Variants in AKAP6 observed in about 807,000 individuals in gnomAD.
The protein encoded by AKAP6 is A-kinase anchoring protein 6.
Under a neutral mutation model 188.5 loss-of-function variants are expected in AKAP6, and 58 were observed. The observed-to-expected ratio is 0.31, with a 90% CI of 0.25 to 0.38. The LOEUF (loss-of-function observed/expected upper bound fraction) is 0.38, where lower values mean the gene tolerates loss of function less well. AKAP6 is among the 10% of genes least tolerant of loss of function. AKAP6 has a pLI of 1.00. For synonymous variants in AKAP6, 989 were observed against 998.6 expected, an observed-to-expected ratio of 0.99 and a Z score of 0.18; for missense variants, 2,710 against 2,740.0, an observed-to-expected ratio of 0.99 and a Z score of 0.24.
In AKAP6 at chr14:32,640,419, G is replaced by A. The variant is rs138178949; in HGVS notation, c.2731-37892G>A. Among the ~76,000 whole-genome samples, 342 of 152,192 alleles carry A rather than the reference G, an allele frequency of 2.2e-3. 6 individuals carry two copies. The highest frequency in any genetic ancestry group is 7.4e-3 in the African/African-American group (308 of 41,532). ...TGATTTAGGCCCTAGAGAGGAATGA[G>A]TTCTGTTATTTCTTTTTGGGGTCCA... On this transcript the variant is annotated intron_variant, in intron 7 of 13. Transcript: ENST00000280979.
intron 7 of AKAP6, among the ~76,000 whole-genome samples, chr14:32,625,707 T>C (rs1172148432): frequency 2.0e-5 from 3 of 152,086 alleles, no homozygotes; most frequent in African/African-American, 4.8e-5. Context: ...AATATTTGCC[T>C]GACAGTTTTT....
intron 5 of AKAP6, among the ~76,000 whole-genome samples, chr14:32,588,853 T>G (rs1885362554): frequency 6.6e-6 from 1 of 152,218 alleles, no homozygotes; most frequent in African/African-American, 2.4e-5. Flanking sequence ...TGTTATATCA[T>G]ATTTCTGATT....
intron 9 of AKAP6, among the ~76,000 whole-genome samples, chr14:32,697,019 C>T (rs552191850): frequency 6.6e-6 from 1 of 152,214 alleles, no homozygotes; most frequent in African/African-American, 2.4e-5. Context: ...TAACTAACCA[C>T]AGAATCAGCA....
At chr14:32,795,066 C>T (rs1027238526) in intron 12 of AKAP6, among the ~76,000 whole-genome samples, 2 of 152,064 alleles carry the variant, frequency 1.3e-5, no homozygotes, top group South Asian at 2.1e-4. Context: ...CACATGCACC[C>T]TCACAAGACT....
intron 2 of AKAP6, among the ~76,000 whole-genome samples, chr14:32,491,708 A>G (rs1469610911): frequency 6.6e-6 from 1 of 152,208 alleles, no homozygotes; most frequent in Non-Finnish European, 1.5e-5. Context: ...GTGATTCTGA[A>G]TCATTGCCTT....
intron 1 of AKAP6, among the ~76,000 whole-genome samples, chr14:32,401,730 T>G (rs1889097302): frequency 6.6e-6 from 1 of 152,234 alleles, no homozygotes; most frequent in Non-Finnish European, 1.5e-5. Context: ...AGACTTTAAT[T>G]CTAATTTTCA....
intron 1 of AKAP6, among the ~76,000 whole-genome samples, chr14:32,384,661 G>A (rs1356349639): frequency 6.6e-6 from 1 of 152,140 alleles, no homozygotes; most frequent in South Asian, 2.1e-4. Context: ...TGATGCATTG[G>A]TTTAATAGGA....
intron 1 of AKAP6, among the ~76,000 whole-genome samples, chr14:32,378,283 A>G (rs776376338): frequency 1.2e-4 from 18 of 152,210 alleles, no homozygotes; most frequent in Admixed American, 3.9e-4. Flanking sequence ...AACAACTATT[A>G]TTATGTCATT....
At chr14:32,732,253 A>G (rs1050169104) in intron 9 of AKAP6, among the ~76,000 whole-genome samples, 1 of 146,062 alleles carries the variant, frequency 6.8e-6, no homozygotes, top group Admixed American at 6.8e-5. Context: ...ACTAAATGTA[A>G]TAACTGTGTG....
intron 1 of AKAP6, among the ~76,000 whole-genome samples, chr14:32,414,277 G>A (rs1401787039): frequency 6.6e-6 from 1 of 152,032 alleles, no homozygotes; most frequent in Non-Finnish European, 1.5e-5. Context: ...GTATACCAGG[G>A]AGTGCTGGTT....
At chr14:32,790,086 C>T (rs1197476790) in intron 12 of AKAP6, among the ~76,000 whole-genome samples, 2 of 152,152 alleles carry the variant, frequency 1.3e-5, no homozygotes, top group Non-Finnish European at 2.9e-5. Flanking sequence ...TCACAAGTAT[C>T]AATAGCAGAA....
chr14:32,753,492 T>TAA (rs2032217262), intron 11 of AKAP6, among the ~76,000 whole-genome samples: 1 of 152,182 alleles, frequency 6.6e-6, no homozygotes, highest in Non-Finnish European at 1.5e-5. Context: ...CTCTGTTGAT[T>TAA]GTTTCCTTTC....
At chr14:32,597,479 A>T (rs906548714) in intron 5 of AKAP6, among the ~76,000 whole-genome samples, 1 of 152,196 alleles carries the variant, frequency 6.6e-6, no homozygotes, top group Non-Finnish European at 1.5e-5. Context: ...AGAGTTGAGG[A>T]TGTCCGTGGC....
chr14:32,343,065 G>A (rs1411094630), intron 1 of AKAP6, among the ~76,000 whole-genome samples: 1 of 152,000 alleles, frequency 6.6e-6, no homozygotes, highest in Admixed American at 6.5e-5. Context: ...TCCCCTTGAC[G>A]ATTTTCCCAT....
intron 11 of AKAP6, among the ~76,000 whole-genome samples, chr14:32,737,345 A>C (rs779313158): frequency 3.9e-5 from 6 of 152,102 alleles, no homozygotes; most frequent in Non-Finnish European, 7.4e-5. Context: ...ATTTACTCTT[A>C]GTGTTTGGTA....
At chr14:32,811,182 T>G (rs1244422740) in intron 12 of AKAP6, among the ~76,000 whole-genome samples, 1 of 140,518 alleles carries the variant, frequency 7.1e-6, no homozygotes, top group Non-Finnish European at 1.5e-5. Context: ...CAGCTTGCAG[T>G]GAGCCGAGAT....
chr14:32,408,972 G>C (rs2138640898), intron 1 of AKAP6, among the ~76,000 whole-genome samples: 1 of 152,262 alleles, frequency 6.6e-6, no homozygotes, highest in South Asian at 2.1e-4. Context: ...GGCCGATGCA[G>C]GTGGATCACC....
chr14:32,774,739 G>T (rs1464374410), intron 12 of AKAP6, among the ~76,000 whole-genome samples: 1 of 143,220 alleles, frequency 7.0e-6, no homozygotes, highest in Non-Finnish European at 1.5e-5. Context: ...TTATATAAAT[G>T]GAATGCATAC....
intron 2 of AKAP6, among the ~76,000 whole-genome samples, chr14:32,488,292 C>T (rs1426087824): frequency 6.6e-6 from 1 of 152,166 alleles, no homozygotes; most frequent in Non-Finnish European, 1.5e-5. Flanking sequence ...GTGGCCTCCA[C>T]CCAGTCCAAA....
Sources: gnomAD v4.1 joint callset for allele counts (sites outside exome capture counted in the v4.1 genomes callset) on GRCh38, gnomAD v4.1.1 for gene constraint, MANE v1.5 for transcripts, NCBI Gene and HGNC (gene_info 2026-07-23, HGNC 2026-07-21) for gene names.